Variants in LHX9 observed in about 807,000 individuals in gnomAD.
LHX9 encodes the protein LIM homeobox 9, also known as LIM/homeobox protein Lhx9.
A neutral mutation model predicts 36.5 loss-of-function variants in LHX9; 9 were observed. The ratio of observed to expected loss-of-function variants is 0.25; its 90% CI spans 0.15 to 0.43. The LOEUF is 0.43. Among genes scored for constraint, LHX9 ranks in the 20% least tolerant of loss-of-function variants. LHX9 has a pLI of 1.00. For synonymous variants in LHX9, 211 were observed against 212.1 expected (o/e 0.99, Z 0.04); for missense variants, 464 against 526.4 (o/e 0.88, Z 1.16).
At chr1:197,918,975 G>T (rs948974805) in intron 1 of LHX9, among the ~76,000 whole-genome samples, 6 of 152,114 alleles carry the variant, frequency 3.9e-5, no homozygotes, top group African/African-American at 1.2e-4. Flanking sequence ...GTCTATATTT[G>T]TAACACTCAT....
chr1:197,915,409 G>A (rs1334953342), upstream of LHX9, among the ~76,000 whole-genome samples: 1 of 152,172 alleles, frequency 6.6e-6, no homozygotes, highest in Non-Finnish European at 1.5e-5. Flanking sequence ...AAGGACTGCT[G>A]CCCCCAGCCC....
Position 197,921,516 on chromosome 1 carries a change from C to A in LHX9, c.590C>A (p.Pro197Gln). 6.2e-7 allele frequency: 1 copy of A among 1,614,150 alleles called. No individual in the cohort carries two copies. The highest frequency in any genetic ancestry group is 1.1e-5 in the South Asian group (1 of 91,074). ...ACCCTCTTGCAAGGAGAGTATCCAC[C>A]GCAGCTGAGCTACACGGAGCTGGCG... is the stretch of plus-strand genomic sequence containing the variant. ...FETLLQGEYP[P>Q]QLSYTELAAK... Residue 197 changes from proline (P) to glutamine (Q), a missense_variant, in exon 3 of 5, where the codon CCG (proline) becomes CAG (glutamine). This residue lies in a region of LHX9 where 130 missense variants were observed against 109.6 expected (regional missense o/e 1.19). Transcript: ENST00000367387. This position sits in a 1 kb window ranked among gnomAD's most constrained non-coding sequence, Gnocchi z 4.6.
chr1:197,912,750 C>A, upstream of LHX9: 1 of 663,884 alleles, frequency 1.5e-6, no homozygotes, highest in Non-Finnish European at 2.7e-6. Context: ...CCTGATAGGA[C>A]TCCTGAAACC....
chr1:197,918,600 G>A, intron 1 of LHX9: 1 of 566,824 alleles, frequency 1.8e-6, no homozygotes, highest in Admixed American at 3.0e-5. Context: ...GACCCGGCGG[G>A]TGTCATGTGT....
rs1042595700 is a variant in LHX9, at chr1:197,929,818, A to C, written c.*559A>C. 4.5e-5 allele frequency: 42 copies of C among 943,632 alleles called. No individual in the cohort carries two copies. The African/African-American group carries it at 7.3e-4, about 16-fold the overall frequency. The allele number at this position is 943,632 out of a possible 1,614,324, so 58.5% of individuals were successfully genotyped here. A position where few individuals can be genotyped will look rare whatever the true frequency, so the allele number is the denominator to read the frequency against. The stretch of plus-strand genomic sequence containing the variant: ...GTTAATTCAAGTGAGGAATATGATG[A>C]AATAAAAGCATTAACTACAGACATT... On this transcript the variant is annotated 3_prime_UTR_variant, in exon 5 of 5. Coordinates refer to ENST00000367387, the MANE Select transcript of LHX9 (RefSeq NM_020204.3).
chr1:197,927,806 C>A lies in LHX9; in HGVS notation c.936+13C>A, dbSNP rs1197424996. 6.2e-7 allele frequency: 1 copy of A among 1,608,206 alleles called. No individual in the cohort carries two copies. The highest frequency in any genetic ancestry group is 2.2e-5 in the East Asian group (1 of 44,872). On this transcript the variant is annotated intron_variant, in intron 4 of 4. Transcript: ENST00000367387. Reference sequence around the variant, plus strand: ...AAGAGTTTTGCAGGTAAGACACATGCATCATTGACTGTGCATACATTTCCC... The same window carrying A: ...AAGAGTTTTGCAGGTAAGACACATGAATCATTGACTGTGCATACATTTCCC...
intron 3 of LHX9, 141 bp from the exon 4 acceptor site, chr1:197,927,449 TG>T: frequency 1.4e-6 from 1 of 710,046 alleles, no homozygotes; most frequent in Non-Finnish European, 2.5e-6. Context: ...TCTTTCTTTT[TG>T]TCTAGATACT....
intron 3 of LHX9, among the ~76,000 whole-genome samples, chr1:197,926,837 T>C (rs891352690): frequency 1.3e-5 from 2 of 152,212 alleles, no homozygotes; most frequent in African/African-American, 2.4e-5. Flanking sequence ...GAAATATTTA[T>C]TAAAATCACT....
chr1:197,929,740 T>A lies in LHX9; in HGVS notation c.*481T>A. On this transcript the variant is annotated 3_prime_UTR_variant, in exon 5 of 5. Coordinates refer to ENST00000367387, the MANE Select transcript of LHX9 (RefSeq NM_020204.3). ...GGAGTTTTGAAAACGTTACATTTTT[T>A]AAATCTTAAAACTGAAAACTTGTTT... The A allele has an allele frequency of 1.1e-6, 1 of 947,680 alleles. No individual in the cohort carries two copies. The highest frequency in any genetic ancestry group is 1.3e-6 in the Non-Finnish European group (1 of 795,390). 58.7% of individuals were successfully genotyped at this position (947,680 alleles called of 1,614,324 possible).
chr1:197,917,724 T>A lies in LHX9; in HGVS notation c.-100T>A, dbSNP rs1659814349. ...TTCTTCTCCTCCTTTCTCTCCCTCT[T>A]TCCCTCCATCCTCGAGCGTCTCTGC... On this transcript the variant is annotated 5_prime_UTR_variant, in exon 1 of 5. Coordinates refer to ENST00000367387, the MANE Select transcript of LHX9 (RefSeq NM_020204.3). The A allele has an allele frequency of 6.3e-7, 1 of 1,594,298 alleles. No individual in the cohort carries two copies. Among genetic ancestry groups the A allele is most frequent in the Non-Finnish European group, 8.5e-7 (1 of 1,173,522 alleles).
rs1385370107 is a variant in LHX9, at chr1:197,935,300, A to G, written c.*6041A>G. ...GAATAAAGATCCAGATATTAGCCAT[A>G]TGTAGAAAGTTCCTGGTGTGCATTT... is the stretch of plus-strand genomic sequence containing the variant. On this transcript the variant is annotated 3_prime_UTR_variant, in exon 5 of 5. Coordinates refer to ENST00000367387, the MANE Select transcript of LHX9 (RefSeq NM_020204.3). 6.6e-6 allele frequency: 1 copy of G among 152,212 alleles called. No homozygotes were observed. The highest frequency in any genetic ancestry group is 1.5e-5 in the Non-Finnish European group (1 of 68,036). 9.4% of individuals were successfully genotyped at this position (152,212 alleles called of 1,614,324 possible).
At chr1:197,914,386 G>T (rs1224927268), upstream of LHX9, among the ~76,000 whole-genome samples, 1 of 104,000 alleles carries the variant, frequency 9.6e-6, no homozygotes, top group Non-Finnish European at 2.0e-5. Flanking sequence ...GACTACAGCT[G>T]GGAGAAGGGG....
At position 197,917,816 on chromosome 1, in the gene LHX9, G is replaced by T; in HGVS notation, c.-8G>T. 2 of 1,614,100 alleles carry T rather than the reference G, an allele frequency of 1.2e-6. No individual in the cohort carries two copies. The highest frequency in any genetic ancestry group is 2.2e-5 in the South Asian group (2 of 91,078). On this transcript the variant is annotated 5_prime_UTR_variant, in exon 1 of 5. Coordinates refer to ENST00000367387, the MANE Select transcript of LHX9 (RefSeq NM_020204.3). ...CTCGGATGAGCTGAAAGCCCCGGGC[G>T]TGTGTATATGGAAATAGTGGGGTGC...
chr1:197,922,031 AGGAG>A (rs1660007369), intron 3 of LHX9, among the ~76,000 whole-genome samples: 1 of 149,788 alleles, frequency 6.7e-6, no homozygotes, highest in Non-Finnish European at 1.5e-5. Flanking sequence ...TAGATCCTGT[AGGAG>A]GTTTCCTAAA....
chr1:197,928,769 G>C (rs1271146078), intron 4 of LHX9, among the ~76,000 whole-genome samples: 1 of 151,600 alleles, frequency 6.6e-6, no homozygotes, highest in Non-Finnish European at 1.5e-5. Context: ...GGTGGAATAA[G>C]TGCAGTTGAG....
In LHX9 at chr1:197,929,154, A is replaced by T. The variant is rs1660245341; in HGVS notation, c.1089A>T (p.Thr363=). 1 of 1,612,964 alleles carries T rather than the reference A, an allele frequency of 6.2e-7. No individual in the cohort carries two copies. The highest frequency in any genetic ancestry group is 1.1e-5 in the South Asian group (1 of 90,964). The stretch of plus-strand genomic sequence containing the variant: ...CACCCGGCACTGCGACCACTTTAAC[A>T]GACCTGACCAATCCCACTATCACTG... ...LTPPGTATTL[T]DLTNPTITVV... The change falls in exon 5 of 5, where the codon ACA becomes ACT. Residue 363 remains threonine (T), a synonymous_variant. Transcript: ENST00000367387.
In LHX9 at chr1:197,921,719, G is replaced by C. The variant is rs1483691912; in HGVS notation, c.733+60G>C. 2 of 1,365,238 alleles carry C rather than the reference G, an allele frequency of 1.5e-6. No individual in the cohort carries two copies. The highest frequency in any genetic ancestry group is 2.8e-5 in the South Asian group (2 of 70,608). The allele number at this position is 1,365,238 out of a possible 1,614,324, so 84.6% of individuals were successfully genotyped here. A position where few individuals can be genotyped will look rare whatever the true frequency, so the allele number is the denominator to read the frequency against. ...GGCCTCCCTGAGGAAAATTCGTAGA[G>C]CTCCTTCCCCGTCCAAAGTCTTGCT... On this transcript the variant is annotated intron_variant, in intron 3 of 4. Transcript: ENST00000367387. This position sits in a 1 kb window ranked among gnomAD's most constrained non-coding sequence, Gnocchi z 4.6.
chr1:197,918,100 A>T (rs1659835357), intron 1 of LHX9, 103 bp downstream of exon 1: 2 of 1,301,386 alleles, frequency 1.5e-6, no homozygotes, highest in East Asian at 2.4e-5. Context: ...CGGGTCGTAG[A>T]GACGTCCGCT....
intron 3 of LHX9, among the ~76,000 whole-genome samples, chr1:197,922,730 AG>A (rs1660029756): frequency 1.3e-5 from 2 of 152,202 alleles, no homozygotes; most frequent in Non-Finnish European, 1.5e-5. Flanking sequence ...GACTCAGGAC[AG>A]GGGAGACCAT....
Sources: gnomAD v4.1 joint callset for allele counts (sites outside exome capture counted in the v4.1 genomes callset) on GRCh38, gnomAD v4.1.1 for gene constraint, gnomAD v4.1.1 regional missense constraint, Gnocchi (gnomAD v3.1) non-coding constraint, MANE v1.5 for transcripts, NCBI Gene and HGNC (gene_info 2026-07-23, HGNC 2026-07-21) for gene names.